ADIPOR2: variants seen among roughly 807,000 people sequenced by gnomAD.
ADIPOR2 encodes adiponectin receptor 2.
ADIPOR2 carries 18 observed loss-of-function variants against 40.9 expected under a neutral mutation model. The ratio of observed to expected loss-of-function variants is 0.44; its 90% CI spans 0.30 to 0.65. The LOEUF (loss-of-function observed/expected upper bound fraction) is 0.65, where lower values mean the gene tolerates loss of function less well. Among genes scored for constraint, ADIPOR2 ranks in the 30% least tolerant of loss-of-function variants. The pLI is 0.09. For missense variants in ADIPOR2, 283 were observed against 479.2 expected, an observed-to-expected ratio of 0.59 and a Z score of 3.82; for synonymous variants, 165 against 166.4, an observed-to-expected ratio of 0.99 and a Z score of 0.06.
chr12:1,784,149 A>T (rs1862783558), intron 7 of ADIPOR2, 76 bp downstream of exon 7: 2 of 1,418,762 alleles, frequency 1.4e-6, no homozygotes, highest in Non-Finnish European at 1.9e-6. Flanking sequence ...GATGCAATAG[A>T]AAAAGTTTTA....
intron 1 of ADIPOR2, 109 bp from the exon 2 acceptor site, chr12:1,754,149 C>A (rs1862062038): frequency 4.5e-6 from 2 of 444,214 alleles, no homozygotes; most frequent in Non-Finnish European, 3.8e-6. Context: ...GTACATTATT[C>A]TTTTATTATT....
chr12:1,726,744 C>T (rs537108825), intron 1 of ADIPOR2, among the ~76,000 whole-genome samples: 1 of 151,900 alleles, frequency 6.6e-6, no homozygotes, highest in South Asian at 2.1e-4. Flanking sequence ...AGTAATAGTT[C>T]TATTTTCAAG....
At chr12:1,709,244 GTATCT>G (rs2094670931) in intron 1 of ADIPOR2, among the ~76,000 whole-genome samples, 2 of 152,124 alleles carry the variant, frequency 1.3e-5, no homozygotes, top group Admixed American at 1.3e-4. Flanking sequence ...TGAAAATGGT[GTATCT>G]TATTATTTTT....
chr12:1,746,575 A>G (rs958369166), intron 1 of ADIPOR2, among the ~76,000 whole-genome samples: 1 of 152,218 alleles, frequency 6.6e-6, no homozygotes, highest in African/African-American at 2.4e-5. Flanking sequence ...AGAAGATATA[A>G]CAATTATAAA....
At chr12:1,710,050 A>G (rs2154441719) in intron 1 of ADIPOR2, among the ~76,000 whole-genome samples, 1 of 152,330 alleles carries the variant, frequency 6.6e-6, no homozygotes, top group African/African-American at 2.4e-5. Flanking sequence ...AGAGGATTGT[A>G]AAATGCGCCA....
chr12:1,758,002 C>A, intron 2 of ADIPOR2: 1 of 931,278 alleles, frequency 1.1e-6, no homozygotes, highest in Non-Finnish European at 1.8e-6. Context: ...TTCTTGGGAC[C>A]ACGCGCCATG....
chr12:1,780,743 C>G, intron 5 of ADIPOR2, 106 bp downstream of exon 5: 1 of 1,293,284 alleles, frequency 7.7e-7, no homozygotes, highest in East Asian at 2.6e-5. Context: ...CTCATGCAAA[C>G]TTTTTTTTTT....
intron 3 of ADIPOR2, among the ~76,000 whole-genome samples, chr12:1,776,449 A>G (rs970507870): frequency 1.3e-5 from 2 of 152,148 alleles, no homozygotes; most frequent in African/African-American, 4.8e-5. Flanking sequence ...AGGGTAATAG[A>G]CTGGAAGAAC....
In ADIPOR2 at chr12:1,782,957, T is replaced by C. The variant is rs189608161; in HGVS notation, c.839-923T>C. 5.8e-3 allele frequency among the ~76,000 whole-genome samples: 860 copies of C among 147,050 alleles called. 9 individuals carry two copies. The highest frequency in any genetic ancestry group is 0.021 in the African/African-American group (791 of 38,272). On this transcript the variant is annotated intron_variant, in intron 6 of 7. Transcript: ENST00000357103. ...TTTTTTCTTCTTTTTTCTTTTCTTT[T>C]CTTTTTCTTTCTTTCTTTCTTTTTT...
In ADIPOR2 at chr12:1,781,051, C is replaced by T; in HGVS notation, c.813C>T (p.Thr271=). 1 of 1,609,488 alleles carries T rather than the reference C, an allele frequency of 6.2e-7. No homozygotes were observed. The highest frequency in any genetic ancestry group is 8.5e-7 in the Non-Finnish European group (1 of 1,178,358). ...TCTCCCAGTGGGACATGTTTGCCAC[C>T]CCTCAGTATCGGGGAGTAAGAGCAG... ...IIVSQWDMFA[T]PQYRGVRAGV... The change falls in exon 6 of 8, where the codon ACC becomes ACT. Residue 271 remains threonine, a synonymous_variant. Transcript: ENST00000357103.
Position 1,755,468 on chromosome 12 carries a change from A to T in ADIPOR2, c.171+954A>T, listed in dbSNP as rs191507765. Among the ~76,000 whole-genome samples, 9 of 152,314 alleles carry T rather than the reference A, an allele frequency of 5.9e-5. No individual in the cohort carries two copies. In the East Asian group the frequency reaches 1.5e-3, roughly 26 times the overall value. ...GTACCATATAATCTAATTTAACCAT[A>T]CTTTAGCTATGACGTTATCTGTTAT... On this transcript the variant is annotated intron_variant, in intron 2 of 7. Coordinates refer to ENST00000357103, the MANE Select transcript of ADIPOR2 (RefSeq NM_024551.3).
intron 2 of ADIPOR2, among the ~76,000 whole-genome samples, chr12:1,758,713 C>G (rs1862202845): frequency 1.3e-5 from 2 of 149,668 alleles, no homozygotes; most frequent in Admixed American, 1.3e-4. Context: ...GTTCCATATG[C>G]TGATTTTTTT....
intron 1 of ADIPOR2, chr12:1,731,010 A>T (rs1274770376): frequency 6.6e-6 from 1 of 152,214 alleles, no homozygotes; most frequent in East Asian, 1.9e-4. Context: ...GAAGGGCATT[A>T]TACTGTGACA....
chr12:1,780,724 T>C, intron 5 of ADIPOR2, 87 bp downstream of exon 5: 1 of 1,416,520 alleles, frequency 7.1e-7, no homozygotes, highest in Non-Finnish European at 9.4e-7. Flanking sequence ...GCAGAATTCT[T>C]AATATCATCT....
At chr12:1,742,818 ACAGATG>A (rs2094745853) in intron 1 of ADIPOR2, among the ~76,000 whole-genome samples, 1 of 152,230 alleles carries the variant, frequency 6.6e-6, no homozygotes, top group African/African-American at 2.4e-5. Flanking sequence ...GGTTGAATCC[ACAGATG>A]CAGAACCCCA....
intron 1 of ADIPOR2, among the ~76,000 whole-genome samples, chr12:1,745,139 C>T (rs897106364): frequency 6.6e-6 from 1 of 152,118 alleles, no homozygotes; most frequent in Non-Finnish European, 1.5e-5. Context: ...AACAAGATTC[C>T]TTGAGCATTC....
chr12:1,719,773 C>T (rs1003574643), intron 1 of ADIPOR2, among the ~76,000 whole-genome samples: 3 of 151,726 alleles, frequency 2.0e-5, no homozygotes, highest in African/African-American at 7.3e-5. Flanking sequence ...CTCCTGGGTT[C>T]AAGCAGTTCT....
intron 2 of ADIPOR2, among the ~76,000 whole-genome samples, chr12:1,769,282 G>A (rs1215015679): frequency 6.6e-6 from 1 of 152,058 alleles, no homozygotes; most frequent in African/African-American, 2.4e-5. Flanking sequence ...TTTTTATCCT[G>A]TTTTAGCCAG....
At chr12:1,724,420 T>C (rs2094703819) in intron 1 of ADIPOR2, among the ~76,000 whole-genome samples, 1 of 152,174 alleles carries the variant, frequency 6.6e-6, no homozygotes, top group Admixed American at 6.5e-5. Flanking sequence ...ATGATTCCAC[T>C]TTAATGAGGT....
Sources: gnomAD v4.1 joint callset for allele counts (sites outside exome capture counted in the v4.1 genomes callset) on GRCh38, gnomAD v4.1.1 for gene constraint, MANE v1.5 for transcripts, NCBI Gene and HGNC (gene_info 2026-07-23, HGNC 2026-07-21) for gene names.